ADAMTSL3: variants seen among roughly 807,000 people sequenced by gnomAD.
ADAMTSL3 encodes the protein ADAMTS like 3.
Under a neutral mutation model 201.7 loss-of-function variants are expected in ADAMTSL3, and 128 were observed. The ratio of observed to expected loss-of-function variants is 0.63; its 90% CI spans 0.55 to 0.73. ADAMTSL3 has a LOEUF of 0.73. Ranked by LOEUF, ADAMTSL3 falls within the 30% of genes least tolerant of loss-of-function variation. The pLI, the probability that ADAMTSL3 is intolerant of heterozygous loss-of-function variation, is 0.00. For missense variants in ADAMTSL3, 1,990 were observed against 2,119.6 expected, an observed-to-expected ratio of 0.94 and a Z score of 1.20; for synonymous variants, 738 against 748.4, an observed-to-expected ratio of 0.99 and a Z score of 0.23.
chr15:83,899,609 A>G (rs1363827283), intron 14 of ADAMTSL3, 38 bp from the exon 15 acceptor site: 2 of 1,585,308 alleles, frequency 1.3e-6, no homozygotes, highest in Admixed American at 1.7e-5. Flanking sequence ...AATGATTAAT[A>G]GTAATTAGGC....
intron 4 of ADAMTSL3, among the ~76,000 whole-genome samples, chr15:83,802,709 A>C (rs982208539): frequency 1.3e-5 from 2 of 152,316 alleles, no homozygotes; most frequent in Admixed American, 1.3e-4. Context: ...GAGGTTGACT[A>C]TACAGGGGCA....
intron 3 of ADAMTSL3, among the ~76,000 whole-genome samples, chr15:83,752,820 C>G (rs892204023): frequency 6.6e-6 from 1 of 152,282 alleles, no homozygotes; most frequent in South Asian, 2.1e-4. Context: ...TTTACACAAA[C>G]ATTTCTTCTC....
intron 23 of ADAMTSL3, among the ~76,000 whole-genome samples, chr15:84,003,429 T>A (rs11633088): frequency 0.16 from 24,756 of 152,102 alleles, 2,626 homozygotes; most frequent in Middle Eastern, 0.35. Flanking sequence ...GGACAGAAGC[T>A]CTTTCCTCAG....
chr15:83,800,745 A>C (rs2063503103), intron 4 of ADAMTSL3, among the ~76,000 whole-genome samples: 2 of 152,182 alleles, frequency 1.3e-5, no homozygotes, highest in African/African-American at 4.8e-5. Flanking sequence ...TGAAATTAGC[A>C]TCAAAAGCTT....
rs140976748 is a variant in ADAMTSL3 at position 83,750,388 on chromosome 15, A to T, written c.190-23135A>T. Among the ~76,000 whole-genome samples, 5 of 152,350 alleles carry T rather than the reference A, an allele frequency of 3.3e-5. No homozygotes were observed. In the East Asian group the frequency reaches 7.7e-4, roughly 23 times the overall value. On this transcript the variant is annotated intron_variant, in intron 3 of 29. Coordinates refer to ENST00000286744, the MANE Select transcript of ADAMTSL3 (RefSeq NM_207517.3). ...TACTTGTTGAGGACTTAAGTAAATT[A>T]TATTTCTTTTTCCCTTGTAAGTTTT...
At chr15:83,739,624 C>G (rs1300736968) in intron 3 of ADAMTSL3, among the ~76,000 whole-genome samples, 1 of 151,810 alleles carries the variant, frequency 6.6e-6, no homozygotes, top group Non-Finnish European at 1.5e-5. Flanking sequence ...CAAAATAGTT[C>G]TGGTCCCAAG....
At chr15:83,672,307 G>A (rs2068970198) in intron 2 of ADAMTSL3, among the ~76,000 whole-genome samples, 1 of 152,220 alleles carries the variant, frequency 6.6e-6, no homozygotes, top group South Asian at 2.1e-4. Flanking sequence ...TGAAGCAGGG[G>A]TGTAAATCAT....
In ADAMTSL3 at chr15:83,996,456, T is replaced by C. The variant is rs115789558; in HGVS notation, c.3973+5242T>C. Among the ~76,000 whole-genome samples the C allele has an allele frequency of 8.3e-3, 1,259 of 152,184 alleles. 16 individuals carry two copies. The highest frequency in any genetic ancestry group is 0.028 in the African/African-American group (1,182 of 41,526). Reference sequence around the variant, plus strand: ...ATAGTACCAGAATATAGAAATAGCTTCTCTGAATCAATACAAATAAACCAC... The same window carrying C: ...ATAGTACCAGAATATAGAAATAGCTCCTCTGAATCAATACAAATAAACCAC... On this transcript the variant is annotated intron_variant, in intron 23 of 29. Coordinates refer to ENST00000286744, the MANE Select transcript of ADAMTSL3 (RefSeq NM_207517.3).
At chr15:83,899,236 T>G (rs920525035) in intron 14 of ADAMTSL3, among the ~76,000 whole-genome samples, 6 of 152,194 alleles carry the variant, frequency 3.9e-5, no homozygotes, top group African/African-American at 1.4e-4. Flanking sequence ...CTAACTTTCT[T>G]AACTTTCATA....
chr15:83,968,598 G>A (rs141495175), intron 19 of ADAMTSL3, among the ~76,000 whole-genome samples: 10,581 of 152,280 alleles, frequency 0.069, 478 homozygotes, highest in Non-Finnish European at 0.11. Context: ...GTGGAAGTCA[G>A]TGTGGCAATT....
intron 3 of ADAMTSL3, among the ~76,000 whole-genome samples, chr15:83,761,706 A>G (rs1416850497): frequency 6.6e-6 from 1 of 152,232 alleles, no homozygotes; most frequent in Non-Finnish European, 1.5e-5. Context: ...AGCATAGATA[A>G]TATCCTATTA....
At chr15:83,790,092 A>AT (rs1248801821) in intron 4 of ADAMTSL3, among the ~76,000 whole-genome samples, 1 of 151,774 alleles carries the variant, frequency 6.6e-6, no homozygotes, top group Non-Finnish European at 1.5e-5. Flanking sequence ...AATTTATAGT[A>AT]TAAAAACTCT....
chr15:83,929,492 A>G (rs1055559870), intron 17 of ADAMTSL3, among the ~76,000 whole-genome samples: 6 of 152,142 alleles, frequency 3.9e-5, no homozygotes, highest in African/African-American at 1.4e-4. Flanking sequence ...ATATTGGAGT[A>G]GGGCCTACTC....
At chr15:83,998,217 C>T (rs2067724355) in intron 23 of ADAMTSL3, among the ~76,000 whole-genome samples, 1 of 152,060 alleles carries the variant, frequency 6.6e-6, no homozygotes. Context: ...TTTGGGAAGC[C>T]AAGGTGGGCG....
rs544894489 is a variant in ADAMTSL3, at chr15:83,816,381, C to G, written c.364-3430C>G. 2.0e-3 allele frequency among the ~76,000 whole-genome samples: 304 copies of G among 152,310 alleles called. 2 individuals carry two copies. The highest frequency in any genetic ancestry group is 3.5e-3 in the Non-Finnish European group (236 of 68,032). On this transcript the variant is annotated intron_variant, in intron 5 of 29. Transcript: ENST00000286744. ...CAGCTGTGGCCAAGGGGGCTGGTCACATGTACAAATCTGGCCACCCTGAGG... is the reference window on the plus strand; with the variant it reads ...CAGCTGTGGCCAAGGGGGCTGGTCAGATGTACAAATCTGGCCACCCTGAGG...
chr15:83,842,245 G>A (rs1374855635), intron 7 of ADAMTSL3, among the ~76,000 whole-genome samples: 1 of 151,898 alleles, frequency 6.6e-6, no homozygotes, highest in Admixed American at 6.5e-5. Flanking sequence ...GGGATGGAGT[G>A]GCAAGGGATA....
At chr15:83,791,151 T>G (rs568555590) in intron 4 of ADAMTSL3, among the ~76,000 whole-genome samples, 1 of 148,028 alleles carries the variant, frequency 6.8e-6, no homozygotes, top group East Asian at 1.9e-4. Context: ...ATTAAAATGT[T>G]GATACTACCC....
chr15:83,878,570 C>T (rs1178321463), intron 9 of ADAMTSL3, among the ~76,000 whole-genome samples: 3 of 151,658 alleles, frequency 2.0e-5, no homozygotes, highest in African/African-American at 7.3e-5. Flanking sequence ...GCCAAGATTG[C>T]GCCACTGCAC....
Position 83,942,797 on chromosome 15 carries a change from G to A in ADAMTSL3, c.2310+9G>A, listed in dbSNP as rs762315657. 9 of 1,611,794 alleles carry A rather than the reference G, an allele frequency of 5.6e-6. No homozygotes were observed. Among genetic ancestry groups the A allele is most frequent in the Admixed American group, 1.7e-5 (1 of 59,756 alleles). ...TTGAAGAATGGCAGCAGGTAGGGCA[G>A]ACTGGCCACTCCAGGGCCCTCTGTG... On this transcript the variant is annotated intron_variant, in intron 18 of 29. Coordinates refer to ENST00000286744, the MANE Select transcript of ADAMTSL3 (RefSeq NM_207517.3).
Sources: allele counts gnomAD v4.1 joint callset (sites outside exome capture counted in the v4.1 genomes callset), GRCh38; gene constraint gnomAD v4.1.1; transcripts MANE v1.5; gene names NCBI Gene and HGNC (gene_info 2026-07-23, HGNC 2026-07-21).